The following PIP5K1A variants were observed in gnomAD, a reference collection of about 807,000 sequenced individuals.
PIP5K1A encodes the protein phosphatidylinositol 4-phosphate 5-kinase type-1 alpha.
PIP5K1A carries 46 observed loss-of-function variants against 72.9 expected under a neutral mutation model. The ratio of observed to expected loss-of-function variants is 0.63; its 90% CI spans 0.50 to 0.81. The LOEUF (loss-of-function observed/expected upper bound fraction) is 0.81, where lower values mean the gene tolerates loss of function less well. Among genes scored for constraint, PIP5K1A ranks in the 30% least tolerant of loss-of-function variants. The pLI, the probability that PIP5K1A is intolerant of heterozygous loss-of-function variation, is 0.00. For synonymous variants in PIP5K1A, 228 were observed against 255.1 expected (o/e 0.89, Z 1.01); for missense variants, 458 against 706.1 (o/e 0.65, Z 3.98).
chr1:151,227,864 T>C (rs1689385563), intron 4 of PIP5K1A, among the ~76,000 whole-genome samples: 1 of 152,050 alleles, frequency 6.6e-6, no homozygotes, highest in East Asian at 1.9e-4. Flanking sequence ...GCACTAGCCT[T>C]GGTGACAGAA....
chr1:151,196,772 G>A (rs1380645814), upstream of PIP5K1A, among the ~76,000 whole-genome samples: 1 of 151,760 alleles, frequency 6.6e-6, no homozygotes, highest in Non-Finnish European at 1.5e-5. Flanking sequence ...TGTTGGTCAG[G>A]CTGGTCTTGA....
At chr1:151,227,524 A>G (rs1689331676) in intron 4 of PIP5K1A, 124 bp downstream of exon 4, 5 of 569,784 alleles carry the variant, frequency 8.8e-6, no homozygotes, top group East Asian at 2.9e-5. Context: ...GCTTTTGCAC[A>G]TAATACAGCT....
In PIP5K1A at chr1:151,240,036, C is replaced by A. The variant is rs751125575; in HGVS notation, c.1360C>A (p.Pro454Thr). ...GTGCAACACAGTATTTAAGAAGATT[C>A]CCTGTAAGTGGTTTCTACCAATTGA... ...FMCNTVFKKI[P>T]LKPSPSKKFR... Residue 454 changes from proline to threonine, a missense_variant, in exon 12 of 16, where the codon CCC becomes ACC. By Grantham distance (38) the Pro-to-Thr change is conservative. Transcript: ENST00000368888. 1 of 1,609,792 alleles carries A rather than the reference C, an allele frequency of 6.2e-7. No homozygotes were observed.
intron 1 of PIP5K1A, among the ~76,000 whole-genome samples, chr1:151,214,368 T>C (rs1687280521): frequency 6.8e-6 from 1 of 146,710 alleles, no homozygotes; most frequent in Admixed American, 6.7e-5. Flanking sequence ...TTCTGTTTTT[T>C]TGTTTTTGTT....
At chr1:151,223,700 A>G (rs1340827394) in intron 1 of PIP5K1A, among the ~76,000 whole-genome samples, 1 of 151,762 alleles carries the variant, frequency 6.6e-6, no homozygotes, top group East Asian at 1.9e-4. Context: ...AAAATTAAAA[A>G]AAAAGGGACA....
upstream of PIP5K1A, among the ~76,000 whole-genome samples, chr1:151,195,808 T>C (rs1411764380): frequency 2.7e-5 from 4 of 150,466 alleles, no homozygotes; most frequent in Non-Finnish European, 5.9e-5. Context: ...TCTGTTTGAC[T>C]GCGTTGGTCA....
At chr1:151,216,004 G>A (rs990278202) in intron 1 of PIP5K1A, 1 of 1,289,540 alleles carries the variant, frequency 7.8e-7, no homozygotes, top group South Asian at 1.2e-5. Context: ...AAGAGAGGTA[G>A]ATCTGATGTG....
At chr1:151,227,558 A>G (rs1050636584) in intron 4 of PIP5K1A, among the ~76,000 whole-genome samples, 158 bp downstream of exon 4, 1 of 152,204 alleles carries the variant, frequency 6.6e-6, no homozygotes. Context: ...TATTTCTCAA[A>G]GGGTAAATTG....
chr1:151,232,237 T>C lies in PIP5K1A; in HGVS notation c.369-11T>C, dbSNP rs755387881. 1.6e-5 allele frequency: 26 copies of C among 1,584,730 alleles called. No individual in the cohort carries two copies. Among genetic ancestry groups the C allele is most frequent in the Non-Finnish European group, 2.2e-5 (25 of 1,153,224 alleles). On this transcript the variant is annotated splice_polypyrimidine_tract_variant and intron_variant, in intron 5 of 15. Coordinates refer to ENST00000368888, the MANE Select transcript of PIP5K1A (RefSeq NM_001135638.2). ...CTGGCAAGTTATGGCTACCTCTGTT[T>C]AACCCCACAGTGAAGGGAGCAACCT...
intron 14 of PIP5K1A, among the ~76,000 whole-genome samples, chr1:151,242,914 T>C (rs1691967148): frequency 6.6e-6 from 1 of 152,226 alleles, no homozygotes; most frequent in South Asian, 2.1e-4. Context: ...CTGGCTGTTG[T>C]CTGGGGGCTT....
At chr1:151,203,133 T>C (rs1433847666) in intron 1 of PIP5K1A, among the ~76,000 whole-genome samples, 1 of 152,072 alleles carries the variant, frequency 6.6e-6, no homozygotes, top group Non-Finnish European at 1.5e-5. Flanking sequence ...GGAGGCTTGA[T>C]TTGAAGTTAG....
chr1:151,229,183 A>C (rs919056481), intron 4 of PIP5K1A, among the ~76,000 whole-genome samples: 11 of 148,594 alleles, frequency 7.4e-5, no homozygotes, highest in Non-Finnish European at 1.6e-4. Context: ...AAAAAAAAAA[A>C]AAAAAAAAAA....
chr1:151,204,989 T>G (rs1685736174), intron 1 of PIP5K1A, among the ~76,000 whole-genome samples: 1 of 152,244 alleles, frequency 6.6e-6, no homozygotes, highest in Non-Finnish European at 1.5e-5. Flanking sequence ...ATTAATACCT[T>G]TGCTCAAATA....
At chr1:151,221,266 A>G (rs1688359356) in intron 1 of PIP5K1A, among the ~76,000 whole-genome samples, 1 of 152,212 alleles carries the variant, frequency 6.6e-6, no homozygotes, top group African/African-American at 2.4e-5. Flanking sequence ...TAGTGTTAAT[A>G]ACATTAAAGA....
chr1:151,230,523 A>G (rs1242942586), intron 4 of PIP5K1A, among the ~76,000 whole-genome samples: 11 of 151,992 alleles, frequency 7.2e-5, no homozygotes, highest in Non-Finnish European at 1.6e-4. Context: ...TTTCTTCTTC[A>G]GTTAGGAGCT....
chr1:151,217,828 G>A lies in PIP5K1A; in HGVS notation c.86-6417G>A, dbSNP rs587764893. ...GGAGTCTTGCTCTGTTGCCCAGGCT[G>A]GAGTGCAGTGTTACGATCTTAGCTC... On this transcript the variant is annotated intron_variant, in intron 1 of 15. Transcript: ENST00000368888. Among the ~76,000 whole-genome samples the A allele has an allele frequency of 2.0e-4, 30 of 151,908 alleles. No homozygotes were observed. In the South Asian group the frequency reaches 6.0e-3, roughly 31 times the overall value.
intron 10 of PIP5K1A, chr1:151,238,469 C>T: frequency 1.8e-6 from 1 of 544,894 alleles, no homozygotes; most frequent in South Asian, 2.0e-5. Context: ...CCTCCCCCAT[C>T]TCCCCAGACA....
intron 14 of PIP5K1A, among the ~76,000 whole-genome samples, chr1:151,244,212 T>C (rs1692173070): frequency 6.6e-6 from 1 of 151,812 alleles, no homozygotes; most frequent in African/African-American, 2.4e-5. Context: ...AAATGTTATG[T>C]TGTTGCTGAT....
chr1:151,248,019 T>C lies in PIP5K1A; in HGVS notation c.*154T>C. On this transcript the variant is annotated 3_prime_UTR_variant, in exon 16 of 16. Coordinates refer to ENST00000368888, the MANE Select transcript of PIP5K1A (RefSeq NM_001135638.2). The stretch of plus-strand genomic sequence containing the variant: ...GGGAGCTGCTCCTCCATCTTCTTCC[T>C]GAAGAAGAACCTTCTCTCCTTCCTC... 1.4e-6 allele frequency: 1 copy of C among 699,882 alleles called. No homozygotes were observed. The highest frequency in any genetic ancestry group is 2.5e-6 in the Non-Finnish European group (1 of 393,612). The allele number at this position is 699,882 out of a possible 1,614,324, so 43.4% of individuals were successfully genotyped here.
Sources: allele counts gnomAD v4.1 joint callset (sites outside exome capture counted in the v4.1 genomes callset), GRCh38; gene constraint gnomAD v4.1.1; transcripts MANE v1.5; gene names NCBI Gene and HGNC (gene_info 2026-07-23, HGNC 2026-07-21).